Variants in XRN1 observed in about 807,000 individuals in gnomAD.
The protein encoded by XRN1 is 5'-3' exoribonuclease 1.
XRN1 carries 67 observed loss-of-function variants against 222.3 expected under a neutral mutation model. That is an observed-to-expected ratio of 0.30 (90% CI 0.25 to 0.37). XRN1 has a LOEUF of 0.37. XRN1 is among the 10% of genes least tolerant of loss of function. The pLI, the probability that XRN1 is intolerant of heterozygous loss-of-function variation, is 1.00. For missense variants in XRN1, 1,707 were observed against 2,000.2 expected (o/e 0.85, Z 2.80); for synonymous variants, 643 against 652.4 (o/e 0.99, Z 0.22).
intron 29 of XRN1, among the ~76,000 whole-genome samples, chr3:142,361,033 T>C (rs1369775200): frequency 1.3e-5 from 2 of 152,230 alleles, no homozygotes; most frequent in South Asian, 2.1e-4. Flanking sequence ...TCCAAAACTT[T>C]CCATGTCCTT....
intron 24 of XRN1, chr3:142,376,255 T>G (rs901520784): frequency 9.3e-6 from 6 of 643,444 alleles, no homozygotes; most frequent in Non-Finnish European, 1.5e-5. Flanking sequence ...TGATACCTTT[T>G]TTCAAGGTTC....
intron 1 of XRN1, among the ~76,000 whole-genome samples, chr3:142,440,362 T>C (rs553338025): frequency 1.3e-5 from 2 of 152,168 alleles, no homozygotes; most frequent in East Asian, 3.9e-4. Context: ...GGGGTCATTA[T>C]ACACCTGAAC....
intron 15 of XRN1, among the ~76,000 whole-genome samples, chr3:142,405,924 G>C (rs1053405428): frequency 6.6e-6 from 1 of 151,806 alleles, no homozygotes; most frequent in East Asian, 1.9e-4. Context: ...GAAAAAAAAC[G>C]AACAGCCTTA....
intron 33 of XRN1, among the ~76,000 whole-genome samples, chr3:142,344,366 C>G (rs992438377): frequency 6.6e-6 from 1 of 151,830 alleles, no homozygotes; most frequent in South Asian, 2.1e-4. Context: ...TACTATGTAT[C>G]CACAAAAATT....
Position 142,432,834 on chromosome 3 carries a change from A to C in XRN1, c.135T>G (p.His45Gln). Reference protein sequence around the residue: ...DMNGIIHQCSHPNDDDVHFRI... With the variant: ...DMNGIIHQCSQPNDDDVHFRI... Reference sequence around the variant, plus strand: ...TAAAGTGAACATCATCATCATTAGGATGGGAGCACTGATGTATAATTCCAT... The same window carrying C: ...TAAAGTGAACATCATCATCATTAGGCTGGGAGCACTGATGTATAATTCCAT... The change falls in exon 2 of 41, where the codon CAT becomes CAG. Residue 45 changes from histidine to glutamine, a missense_variant. Coordinates refer to ENST00000392981, the MANE Select transcript of XRN1 (RefSeq NM_001282857.2). The C allele has an allele frequency of 1.2e-6, 2 of 1,614,002 alleles. No homozygotes were observed. The highest frequency in any genetic ancestry group is 1.7e-6 in the Non-Finnish European group (2 of 1,180,016).
intron 23 of XRN1, among the ~76,000 whole-genome samples, chr3:142,379,764 T>C (rs1200418262): frequency 1.3e-5 from 2 of 152,230 alleles, no homozygotes; most frequent in Non-Finnish European, 2.9e-5. Flanking sequence ...TGAATTATTA[T>C]GAAAGGTTTA....
intron 37 of XRN1, among the ~76,000 whole-genome samples, chr3:142,319,377 A>T (rs1223886069): frequency 6.6e-6 from 1 of 152,216 alleles, no homozygotes; most frequent in Non-Finnish European, 1.5e-5. Context: ...TCCTTTACTT[A>T]GGAGATATTT....
intron 2 of XRN1, among the ~76,000 whole-genome samples, chr3:142,432,199 T>TAATTATATATAAAATTTATTA (rs1197010818): frequency 1.0e-5 from 1 of 99,606 alleles, no homozygotes; most frequent in Non-Finnish European, 2.1e-5. Context: ...AAAATTTATT[T>TAATTATATATAAAATTTATTA]TATATATAAT....
In XRN1 at chr3:142,333,106, T is replaced by C. The variant is rs201189807; in HGVS notation, c.3940-17A>G. ...AGAGTTAGGCTAAAAGAATAAATAT[T>C]TTGGGCATGAAGATGAACGTATAAT... On this transcript the variant is annotated splice_polypyrimidine_tract_variant and intron_variant, in intron 34 of 40. Transcript: ENST00000392981. 6.2e-7 allele frequency: 1 copy of C among 1,608,140 alleles called. No homozygotes were observed. The highest frequency in any genetic ancestry group is 8.5e-7 in the Non-Finnish European group (1 of 1,177,690).
chr3:142,418,672 T>C, intron 11 of XRN1, 63 bp from the exon 12 acceptor site: 7 of 1,473,436 alleles, frequency 4.8e-6, no homozygotes, highest in African/African-American at 1.4e-5. Flanking sequence ...TTCCACCTAA[T>C]GATTTGATAA....
At chr3:142,361,674 A>G (rs1339226534) in intron 29 of XRN1, among the ~76,000 whole-genome samples, 3 of 152,054 alleles carry the variant, frequency 2.0e-5, no homozygotes, top group Non-Finnish European at 4.4e-5. Context: ...TTTAATTTGT[A>G]TTTCCCTAAC....
Position 142,405,054 on chromosome 3 carries a change from T to A in XRN1, c.1736A>T (p.Glu579Val). The A allele has an allele frequency of 6.2e-7, 1 of 1,613,988 alleles. No homozygotes were observed. Among genetic ancestry groups the A allele is most frequent in the Non-Finnish European group, 8.5e-7 (1 of 1,179,886 alleles). ...IDEKRLLEAMETCNHSLKKEE... is the reference protein window; with the variant it reads ...IDEKRLLEAMVTCNHSLKKEE... ...CTTTTTGAGGGAGTGGTTACATGTC[T>A]CCATGGCTTCCAATAATCGCTTCTG... The change falls in exon 16 of 41, where the codon GAG becomes GTG. Residue 579 changes from glutamate to valine, a missense_variant. Transcript: ENST00000392981.
chr3:142,440,088 G>A (rs1268785742), intron 1 of XRN1, among the ~76,000 whole-genome samples: 1 of 152,134 alleles, frequency 6.6e-6, no homozygotes, highest in Non-Finnish European at 1.5e-5. Flanking sequence ...CACCCTCACA[G>A]AGCCCTGGGT....
chr3:142,400,816 C>T (rs2068101406), intron 18 of XRN1, among the ~76,000 whole-genome samples: 1 of 152,108 alleles, frequency 6.6e-6, no homozygotes, highest in South Asian at 2.1e-4. Flanking sequence ...TACCCGGAGG[C>T]TGAGGCAGCA....
At chr3:142,431,875 T>TATATATATTATATATAATATATTATATTA (rs1553744626) in intron 2 of XRN1, among the ~76,000 whole-genome samples, 1 of 32,102 alleles carries the variant, frequency 3.1e-5, no homozygotes, top group African/African-American at 1.4e-4. Flanking sequence ...ATATATTATA[T>TATATATATTATATATAATATATTATATTA]TATATATATT....
Position 142,423,546 on chromosome 3 carries a change from G to A in XRN1, c.710+14C>T, listed in dbSNP as rs1366762734. 1 of 1,578,716 alleles carries A rather than the reference G, an allele frequency of 6.3e-7. No homozygotes were observed. Reference sequence around the variant, plus strand: ...GTAATTTCTTTCTTCCAACATATATGCTATATAATTTACCGTTGTGTTTTT... The same window carrying A: ...GTAATTTCTTTCTTCCAACATATATACTATATAATTTACCGTTGTGTTTTT... On this transcript the variant is annotated intron_variant, in intron 6 of 40. Transcript: ENST00000392981.
chr3:142,377,345 T>C (rs2067175888), intron 23 of XRN1, among the ~76,000 whole-genome samples: 1 of 151,916 alleles, frequency 6.6e-6, no homozygotes, highest in Non-Finnish European at 1.5e-5. Context: ...CAATAAAACA[T>C]ACTTAAGAAC....
intron 39 of XRN1, chr3:142,313,045 A>G: frequency 7.1e-7 from 1 of 1,413,356 alleles, no homozygotes; most frequent in East Asian, 2.3e-5. Context: ...AATATTTGCA[A>G]TTATATTTAT....
At chr3:142,314,304 T>C (rs1341483231) in intron 39 of XRN1, among the ~76,000 whole-genome samples, 1 of 152,136 alleles carries the variant, frequency 6.6e-6, no homozygotes, top group East Asian at 1.9e-4. Flanking sequence ...ACCTTAAAAT[T>C]ATTAGTAGGT....
Sources: allele counts gnomAD v4.1 joint callset (sites outside exome capture counted in the v4.1 genomes callset), GRCh38; gene constraint gnomAD v4.1.1; transcripts MANE v1.5; gene names NCBI Gene and HGNC (gene_info 2026-07-23, HGNC 2026-07-21).